Variants in ARHGEF3 observed in about 807,000 individuals in gnomAD.
ARHGEF3 encodes the protein Rho guanine nucleotide exchange factor 3, also known as 59.8 kDA protein.
In ARHGEF3, 28 loss-of-function variants were observed where a neutral mutation model predicts 63.2. The ratio of observed to expected loss-of-function variants is 0.44; its 90% CI spans 0.33 to 0.61. The LOEUF (loss-of-function observed/expected upper bound fraction) is 0.61, where lower values mean the gene tolerates loss of function less well. Among genes scored for constraint, ARHGEF3 ranks in the 20% least tolerant of loss-of-function variants. The pLI is 0.03. For missense variants in ARHGEF3, 533 were observed against 659.3 expected (o/e 0.81, Z 2.10); for synonymous variants, 266 against 254.2 (o/e 1.05, Z -0.44).
chr3:56,969,745 T>A (rs1700824337), intron 2 of ARHGEF3, among the ~76,000 whole-genome samples: 1 of 101,962 alleles, frequency 9.8e-6, no homozygotes, highest in Non-Finnish European at 2.2e-5. Flanking sequence ...AGAGTGAGAC[T>A]CCGTATCAAA....
intron 4 of ARHGEF3, among the ~76,000 whole-genome samples, chr3:56,866,286 G>A (rs1426048247): frequency 6.6e-6 from 1 of 152,148 alleles, no homozygotes; most frequent in Admixed American, 6.6e-5. Flanking sequence ...CCCTGTCTTG[G>A]AAGCTTATAA....
intron 8 of ARHGEF3, among the ~76,000 whole-genome samples, chr3:56,734,627 T>C (rs2033472374): frequency 6.6e-6 from 1 of 152,198 alleles, no homozygotes; most frequent in African/African-American, 2.4e-5. Context: ...GAATTTTGAC[T>C]TGGGATAGTG....
chr3:56,967,436 A>T (rs1284162811), intron 2 of ARHGEF3, among the ~76,000 whole-genome samples: 9 of 69,744 alleles, frequency 1.3e-4, no homozygotes, highest in Admixed American at 6.0e-4. Context: ...TATATTATAT[A>T]ATATATTATA....
intron 7 of ARHGEF3, among the ~76,000 whole-genome samples, chr3:56,743,286 C>A (rs1013197113): frequency 6.6e-6 from 1 of 152,204 alleles, no homozygotes; most frequent in Non-Finnish European, 1.5e-5. Context: ...CTTGGAGGCA[C>A]CCAGCCCAGT....
intron 3 of ARHGEF3, among the ~76,000 whole-genome samples, chr3:56,930,754 T>C (rs1191067518): frequency 6.6e-6 from 1 of 152,148 alleles, no homozygotes; most frequent in African/African-American, 2.4e-5. Flanking sequence ...TTTAAATGCA[T>C]GTAGTAAGTG....
intron 3 of ARHGEF3, among the ~76,000 whole-genome samples, chr3:56,942,700 AAGTT>A (rs1560069558): frequency 6.6e-6 from 1 of 152,276 alleles, no homozygotes; most frequent in Non-Finnish European, 1.5e-5. Flanking sequence ...GGCAGGCTGA[AAGTT>A]AGGCCTATTG....
intron 1 of ARHGEF3, among the ~76,000 whole-genome samples, chr3:56,784,748 T>C (rs1052527228): frequency 6.6e-6 from 1 of 152,186 alleles, no homozygotes; most frequent in Non-Finnish European, 1.5e-5. Flanking sequence ...AAAGTTCTTA[T>C]CACTCTGGCC....
chr3:56,989,706 C>A (rs1701675490), intron 2 of ARHGEF3, among the ~76,000 whole-genome samples: 1 of 152,164 alleles, frequency 6.6e-6, no homozygotes, highest in African/African-American at 2.4e-5. Flanking sequence ...GATTCCAGCC[C>A]CAGCACCACC....
intron 2 of ARHGEF3, among the ~76,000 whole-genome samples, chr3:56,990,797 T>C (rs189258013): frequency 3.5e-4 from 53 of 152,290 alleles, no homozygotes; most frequent in Non-Finnish European, 6.5e-4. Flanking sequence ...ACCCAGCTCA[T>C]GAATGGCAGA....
chr3:56,932,786 T>C (rs941274040), intron 3 of ARHGEF3, among the ~76,000 whole-genome samples: 8 of 152,208 alleles, frequency 5.3e-5, no homozygotes, highest in African/African-American at 1.9e-4. Flanking sequence ...TACAGTACCC[T>C]CACCAGCATT....
chr3:57,037,869 C>A (rs996733343), intron 1 of ARHGEF3, among the ~76,000 whole-genome samples: 3 of 122,166 alleles, frequency 2.5e-5, no homozygotes, highest in Non-Finnish European at 3.7e-5. Context: ...AGCAAGACTC[C>A]GTCTCAAAAA....
intron 3 of ARHGEF3, among the ~76,000 whole-genome samples, chr3:56,941,535 G>C (rs34366101): frequency 0.22 from 32,926 of 152,118 alleles, 3,861 homozygotes; most frequent in Middle Eastern, 0.39. Flanking sequence ...GAAACACCCC[G>C]ATGTGTTCTA....
At chr3:56,809,306 T>A (rs1204976097) in intron 4 of ARHGEF3, among the ~76,000 whole-genome samples, 1 of 152,172 alleles carries the variant, frequency 6.6e-6, no homozygotes, top group Non-Finnish European at 1.5e-5. Flanking sequence ...AAATTAAAAT[T>A]TCAATGAAAT....
chr3:56,964,214 A>G (rs1314212185), intron 2 of ARHGEF3, among the ~76,000 whole-genome samples: 1 of 151,992 alleles, frequency 6.6e-6, no homozygotes, highest in Admixed American at 6.6e-5. Flanking sequence ...ATTACTGTAC[A>G]TGGTGGTGCA....
chr3:56,873,470 A>C (rs1306783476), intron 4 of ARHGEF3, among the ~76,000 whole-genome samples: 3 of 152,096 alleles, frequency 2.0e-5, no homozygotes, highest in Non-Finnish European at 4.4e-5. Context: ...CCCACTTATA[A>C]GGGAGAACAT....
At chr3:56,985,027 C>T (rs1701479638) in intron 2 of ARHGEF3, among the ~76,000 whole-genome samples, 1 of 152,252 alleles carries the variant, frequency 6.6e-6, no homozygotes. Flanking sequence ...CACCCCTGGC[C>T]TATGAATGCT....
intron 2 of ARHGEF3, among the ~76,000 whole-genome samples, chr3:57,014,276 G>A (rs538255339): frequency 2.0e-5 from 3 of 152,316 alleles, no homozygotes; most frequent in South Asian, 4.1e-4. Flanking sequence ...AACACTCACT[G>A]TGAGGGTCCG....
intron 2 of ARHGEF3, among the ~76,000 whole-genome samples, chr3:56,972,561 G>A (rs1489952106): frequency 6.6e-6 from 1 of 152,038 alleles, no homozygotes; most frequent in Non-Finnish European, 1.5e-5. Flanking sequence ...GGGAGTAGCT[G>A]ATATTTAGTA....
At chr3:56,795,274 A>G (rs2037293330) in intron 1 of ARHGEF3, among the ~76,000 whole-genome samples, 1 of 152,030 alleles carries the variant, frequency 6.6e-6, no homozygotes, top group Non-Finnish European at 1.5e-5. Context: ...AGCAGATAAG[A>G]ATTGGGCTAC....
Sources: gnomAD v4.1 joint callset for allele counts (sites outside exome capture counted in the v4.1 genomes callset) on GRCh38, gnomAD v4.1.1 for gene constraint, MANE v1.5 for transcripts, NCBI Gene and HGNC (gene_info 2026-07-23, HGNC 2026-07-21) for gene names.